The following ELMO1 variants were observed in gnomAD, a reference collection of about 807,000 sequenced individuals.
The protein encoded by ELMO1 is engulfment and cell motility protein 1.
In ELMO1, 26 loss-of-function variants were observed where a neutral mutation model predicts 98.9. The ratio of observed to expected loss-of-function variants is 0.26; its 90% CI spans 0.19 to 0.36. The LOEUF is 0.36. ELMO1 is among the 10% of genes least tolerant of loss of function. The pLI is 1.00. For missense variants in ELMO1, 627 were observed against 935.2 expected (o/e 0.67, Z 4.30); for synonymous variants, 346 against 346.0 (o/e 1.00, Z 0.00).
At position 36,854,309 on chromosome 7, in the gene ELMO1, T is replaced by C. The variant is rs1440276905; in HGVS notation, c.*1242A>G. On this transcript the variant is annotated 3_prime_UTR_variant, in exon 22 of 22. Transcript: ENST00000310758. ...CCAACAAGCTCCCAGGTGATGCTGA[T>C]GACTGAGTAGCAAGAACCTAAGTTA... 6 of 152,304 alleles carry C rather than the reference T, an allele frequency of 3.9e-5. No homozygotes were observed. Among genetic ancestry groups the C allele is most frequent in the African/African-American group, 1.4e-4 (6 of 41,534 alleles). The allele number at this position is 152,304 out of a possible 1,614,324, so 9.4% of individuals were successfully genotyped here.
At chr7:36,969,228 A>C (rs1048414090) in intron 16 of ELMO1, among the ~76,000 whole-genome samples, 3 of 152,082 alleles carry the variant, frequency 2.0e-5, no homozygotes, top group Non-Finnish European at 4.4e-5. Flanking sequence ...ACATGCCATC[A>C]CAGCTATATT....
At chr7:36,996,885 G>A (rs557214577) in intron 16 of ELMO1, among the ~76,000 whole-genome samples, 9 of 152,318 alleles carry the variant, frequency 5.9e-5, no homozygotes, top group African/African-American at 2.2e-4. Flanking sequence ...AGTAGGAGGT[G>A]TGCTGCTAGA....
intron 16 of ELMO1, among the ~76,000 whole-genome samples, chr7:36,993,532 A>C (rs1181639865): frequency 1.3e-5 from 2 of 152,222 alleles, no homozygotes; most frequent in Non-Finnish European, 2.9e-5. Context: ...AATCAAAGGA[A>C]GCTTTGAAAT....
At chr7:37,166,688 C>T (rs915301826) in intron 13 of ELMO1, among the ~76,000 whole-genome samples, 1 of 152,210 alleles carries the variant, frequency 6.6e-6, no homozygotes, top group African/African-American at 2.4e-5. Context: ...TTTGATTGCA[C>T]TGTGGTCTGA....
At chr7:36,861,879 C>G (rs951931409) in intron 20 of ELMO1, 143 bp from the exon 21 acceptor site, 2 of 735,868 alleles carry the variant, frequency 2.7e-6, no homozygotes, top group Non-Finnish European at 4.8e-6. Context: ...GAAGGAGGAA[C>G]CATGCTCTTC....
At chr7:36,982,467 C>T (rs1791148748) in intron 16 of ELMO1, among the ~76,000 whole-genome samples, 1 of 152,176 alleles carries the variant, frequency 6.6e-6, no homozygotes, top group Non-Finnish European at 1.5e-5. Context: ...AAATCACATA[C>T]TTAACTTGCA....
At chr7:37,159,803 C>T (rs1789078024) in intron 13 of ELMO1, among the ~76,000 whole-genome samples, 1 of 152,186 alleles carries the variant, frequency 6.6e-6, no homozygotes, top group Non-Finnish European at 1.5e-5. Flanking sequence ...ACAACAACTA[C>T]ACCTGTAATG....
At chr7:37,009,196 A>T (rs1405997128) in intron 16 of ELMO1, among the ~76,000 whole-genome samples, 1 of 152,152 alleles carries the variant, frequency 6.6e-6, no homozygotes, top group Non-Finnish European at 1.5e-5. Flanking sequence ...TTATGGGGCT[A>T]CTTGTGTGCT....
chr7:37,426,569 T>C (rs186514331), intron 1 of ELMO1, among the ~76,000 whole-genome samples: 104 of 152,290 alleles, frequency 6.8e-4, no homozygotes, highest in Admixed American at 1.5e-3. Flanking sequence ...AGACGCTCTG[T>C]AAAGGTCAGC....
At chr7:37,241,614 TTAG>T (rs1327917976) in intron 7 of ELMO1, among the ~76,000 whole-genome samples, 40 of 152,160 alleles carry the variant, frequency 2.6e-4, no homozygotes, top group African/African-American at 8.9e-4. Flanking sequence ...TCAAATTTTT[TTAG>T]TAGTCTGATT....
At chr7:37,098,964 T>C (rs1341871415) in intron 14 of ELMO1, among the ~76,000 whole-genome samples, 1 of 152,210 alleles carries the variant, frequency 6.6e-6, no homozygotes, top group African/African-American at 2.4e-5. Context: ...TATTAACATT[T>C]CATGAGCACA....
At chr7:37,435,270 T>C (rs1805097710) in intron 1 of ELMO1, 2 of 152,172 alleles carry the variant, frequency 1.3e-5, no homozygotes, top group African/African-American at 4.8e-5. Flanking sequence ...CTGGAACAAA[T>C]CCAGGCACAC....
chr7:36,933,495 G>GA (rs1240255994), intron 16 of ELMO1, among the ~76,000 whole-genome samples: 5 of 152,190 alleles, frequency 3.3e-5, no homozygotes, highest in Non-Finnish European at 5.9e-5. Flanking sequence ...AATTGCATAA[G>GA]AAGCACTTTA....
chr7:36,885,946 G>A (rs939001689), intron 18 of ELMO1, among the ~76,000 whole-genome samples: 1 of 152,204 alleles, frequency 6.6e-6, no homozygotes, highest in African/African-American at 2.4e-5. Flanking sequence ...GACAGGCATT[G>A]CTATCCCCAT....
chr7:37,263,243 CTCTTTATATA>C (rs1270467388), intron 5 of ELMO1, among the ~76,000 whole-genome samples: 1 of 150,668 alleles, frequency 6.6e-6, no homozygotes, highest in African/African-American at 2.4e-5. Flanking sequence ...TTGCAGATCA[CTCTTTATATA>C]ATTTTATATA....
Position 37,119,139 on chromosome 7 carries a change from G to C in ELMO1, c.1191+13991C>G, listed in dbSNP as rs536647169. Among the ~76,000 whole-genome samples the C allele has an allele frequency of 4.6e-5, 7 of 152,334 alleles. No individual in the cohort carries two copies. In the South Asian group the frequency reaches 1.4e-3, roughly 32 times the overall value. ...GAAAATACTCAGCTTAGTTGTTCTA[G>C]TGAGCTCCAAACATGTGATTGCTGT... is the stretch of plus-strand genomic sequence containing the variant. On this transcript the variant is annotated intron_variant, in intron 14 of 21. Transcript: ENST00000310758.
chr7:37,381,402 G>A (rs1802575255), intron 1 of ELMO1, among the ~76,000 whole-genome samples: 1 of 152,140 alleles, frequency 6.6e-6, no homozygotes, highest in Non-Finnish European at 1.5e-5. Flanking sequence ...CAGTACCAAA[G>A]GCAGAGTTTG....
At chr7:37,329,495 A>C (rs1799989095) in intron 2 of ELMO1, among the ~76,000 whole-genome samples, 1 of 152,202 alleles carries the variant, frequency 6.6e-6, no homozygotes, top group Non-Finnish European at 1.5e-5. Context: ...ACAGGGGAGC[A>C]GCATAATCAG....
intron 16 of ELMO1, among the ~76,000 whole-genome samples, chr7:36,972,933 A>G (rs1298533761): frequency 6.6e-6 from 1 of 151,668 alleles, no homozygotes; most frequent in Non-Finnish European, 1.5e-5. Flanking sequence ...GGCGCCCACC[A>G]CCACACCCAG....
Sources: allele counts gnomAD v4.1 joint callset (sites outside exome capture counted in the v4.1 genomes callset), GRCh38; gene constraint gnomAD v4.1.1; transcripts MANE v1.5; gene names NCBI Gene and HGNC (gene_info 2026-07-23, HGNC 2026-07-21).